The following TTC29 variants were observed in gnomAD, a reference collection of about 807,000 sequenced individuals.
TTC29 encodes tetratricopeptide repeat protein 29.
TTC29 carries 49 observed loss-of-function variants against 58.1 expected under a neutral mutation model. The ratio of observed to expected loss-of-function variants is 0.84; its 90% CI spans 0.67 to 1.07. The LOEUF is 1.07. Ranked by LOEUF, TTC29 falls within the 50% of genes least tolerant of loss-of-function variation. TTC29 has a pLI of 0.00. For missense variants in TTC29, 582 were observed against 555.6 expected, an observed-to-expected ratio of 1.05 and a Z score of -0.48; for synonymous variants, 209 against 196.8, an observed-to-expected ratio of 1.06 and a Z score of -0.52.
intron 11 of TTC29, among the ~76,000 whole-genome samples, chr4:146,787,176 A>C (rs112486781): frequency 6.6e-6 from 1 of 152,312 alleles, no homozygotes; most frequent in African/African-American, 2.4e-5. Flanking sequence ...TAAGGATGAA[A>C]AATTGTTCAA....
At chr4:146,822,255 C>T (rs79547092) in intron 9 of TTC29, among the ~76,000 whole-genome samples, 9,337 of 152,066 alleles carry the variant, frequency 0.061, 397 homozygotes, top group Admixed American at 0.13. Context: ...TTTCAACAGG[C>T]CCTGGTGTGT....
At chr4:146,820,324 C>T (rs1751732539) in intron 9 of TTC29, 76 bp from the exon 10 acceptor site, 1 of 1,489,798 alleles carries the variant, frequency 6.7e-7, no homozygotes, top group South Asian at 1.3e-5. Flanking sequence ...TATCTTGTGT[C>T]TTTGCTGTAG....
chr4:146,761,526 A>G (rs1051725620), intron 11 of TTC29, among the ~76,000 whole-genome samples: 1 of 151,946 alleles, frequency 6.6e-6, no homozygotes. Context: ...TGTACACTGC[A>G]TGCATAATCA....
chr4:146,742,308 A>G (rs1016681325), intron 11 of TTC29, among the ~76,000 whole-genome samples: 2 of 152,120 alleles, frequency 1.3e-5, no homozygotes, highest in Non-Finnish European at 2.9e-5. Flanking sequence ...CAAGCCAACC[A>G]CAAGCATTTC....
At chr4:146,707,449 G>GTACT in intron 12 of TTC29, 36 bp downstream of exon 12, 1 of 1,482,240 alleles carries the variant, frequency 6.7e-7, no homozygotes. Context: ...CGCAAAGTGG[G>GTACT]TACTTAATAG....
At chr4:146,803,007 A>G (rs1229891808) in intron 11 of TTC29, among the ~76,000 whole-genome samples, 1 of 152,192 alleles carries the variant, frequency 6.6e-6, no homozygotes, top group African/African-American at 2.4e-5. Flanking sequence ...ATTACTACCA[A>G]CTATTTTCTA....
intron 8 of TTC29, among the ~76,000 whole-genome samples, chr4:146,846,428 G>T (rs1316488815): frequency 6.6e-6 from 1 of 152,126 alleles, no homozygotes; most frequent in Admixed American, 6.6e-5. Flanking sequence ...CTTATCTGTG[G>T]AGGAAATATA....
At chr4:146,893,262 G>A (rs1056144952) in intron 6 of TTC29, among the ~76,000 whole-genome samples, 13 of 152,092 alleles carry the variant, frequency 8.5e-5, no homozygotes, top group African/African-American at 2.2e-4. Context: ...GAGGCATCAT[G>A]CTACCTGACT....
chr4:146,835,517 C>A (rs569914269), intron 8 of TTC29, among the ~76,000 whole-genome samples: 137 of 152,136 alleles, frequency 9.0e-4, no homozygotes, highest in African/African-American at 3.3e-3. Context: ...ATTATATTTT[C>A]TGCCAAAATA....
chr4:146,721,664 A>G (rs1743366100), intron 11 of TTC29, among the ~76,000 whole-genome samples: 1 of 152,132 alleles, frequency 6.6e-6, no homozygotes, highest in Non-Finnish European at 1.5e-5. Context: ...ATCTATTCTT[A>G]AAAGTTTATA....
chr4:146,937,300 C>T (rs1388950212), intron 4 of TTC29, among the ~76,000 whole-genome samples: 3 of 151,898 alleles, frequency 2.0e-5, no homozygotes, highest in Non-Finnish European at 2.9e-5. Flanking sequence ...ATGGAGACAA[C>T]ACACCTTAAA....
At chr4:146,833,503 G>A (rs762761174) in intron 9 of TTC29, among the ~76,000 whole-genome samples, 1 of 152,054 alleles carries the variant, frequency 6.6e-6, no homozygotes, top group Non-Finnish European at 1.5e-5. Flanking sequence ...TTTCTGTGCT[G>A]TCTGCTTTCT....
At chr4:146,801,978 C>CAAA (rs57486017) in intron 11 of TTC29, among the ~76,000 whole-genome samples, 1,916 of 38,724 alleles carry the variant, frequency 0.049, 245 homozygotes, top group Non-Finnish European at 0.069. Context: ...GACTCTGTCT[C>CAAA]AAAAAAAAAA....
intron 4 of TTC29, among the ~76,000 whole-genome samples, chr4:146,930,868 T>C (rs551187987): frequency 6.6e-6 from 1 of 152,342 alleles, no homozygotes; most frequent in East Asian, 1.9e-4. Context: ...TTTATCACTT[T>C]GTCCTATGAC....
intron 4 of TTC29, among the ~76,000 whole-genome samples, chr4:146,931,406 A>G (rs942206565): frequency 3.3e-5 from 5 of 152,220 alleles, no homozygotes; most frequent in Non-Finnish European, 5.9e-5. Flanking sequence ...GCCAAAGAAA[A>G]ATGAGCAATG....
chr4:146,898,820 G>A (rs569195769), intron 6 of TTC29, among the ~76,000 whole-genome samples: 22 of 152,276 alleles, frequency 1.4e-4, no homozygotes, highest in African/African-American at 5.3e-4. Context: ...TTGGGAGAAG[G>A]GAAAGGACTA....
At chr4:146,739,040 T>A in intron 11 of TTC29, among the ~76,000 whole-genome samples, 1 of 152,206 alleles carries the variant, frequency 6.6e-6, no homozygotes, top group East Asian at 1.9e-4. Flanking sequence ...GCAAAATATT[T>A]TTGTTTTAAA....
rs200244405 is a variant in TTC29 at position 146,836,534 on chromosome 4, G to A, written c.886-2637C>T. Among the ~76,000 whole-genome samples, 19 of 152,214 alleles carry A rather than the reference G, an allele frequency of 1.2e-4. No homozygotes were observed. The East Asian group carries it at 1.9e-3, about 15-fold the overall frequency. Reference sequence around the variant, plus strand: ...ACAAAACCCAGTGCATTGGTGAATTGTGTAGTTCAAACTAAAGAGAGTAGG... The same window carrying A: ...ACAAAACCCAGTGCATTGGTGAATTATGTAGTTCAAACTAAAGAGAGTAGG... On this transcript the variant is annotated intron_variant, in intron 8 of 12. Transcript: ENST00000325106.
At chr4:146,707,433 A>G (rs1168146310) in intron 12 of TTC29, 52 bp downstream of exon 12, 12 of 1,273,546 alleles carry the variant, frequency 9.4e-6, no homozygotes, top group Non-Finnish European at 1.3e-5. Flanking sequence ...TATGCTTAGT[A>G]TATTGCGCAA....
Sources: allele counts gnomAD v4.1 joint callset (sites outside exome capture counted in the v4.1 genomes callset), GRCh38; gene constraint gnomAD v4.1.1; transcripts MANE v1.5; gene names NCBI Gene and HGNC (gene_info 2026-07-23, HGNC 2026-07-21).